TMEFF2: variants seen among roughly 807,000 people sequenced by gnomAD.
The protein encoded by TMEFF2 is tomoregulin-2.
In TMEFF2, 28 loss-of-function variants were observed where a neutral mutation model predicts 53.8. That is an observed-to-expected ratio of 0.52 (90% confidence interval 0.39 to 0.71). The LOEUF (loss-of-function observed/expected upper bound fraction) is 0.71, where lower values mean the gene tolerates loss of function less well. TMEFF2 is among the 30% of genes least tolerant of loss of function. TMEFF2 has a pLI of 0.00. For synonymous variants in TMEFF2, 162 were observed against 166.3 expected, an observed-to-expected ratio of 0.97 and a Z score of 0.20; for missense variants, 353 against 455.2, an observed-to-expected ratio of 0.78 and a Z score of 2.04.
chr2:192,071,811 C>A (rs754905452), intron 4 of TMEFF2, among the ~76,000 whole-genome samples: 2 of 151,802 alleles, frequency 1.3e-5, no homozygotes, highest in African/African-American at 2.4e-5. Flanking sequence ...CAACCATCCA[C>A]GTATTTTCAA....
At position 192,194,165 on chromosome 2, in the gene TMEFF2, G is replaced by A. The variant is rs2106055552; in HGVS notation, c.172+188C>T. On this transcript the variant is annotated intron_variant, in intron 1 of 9. Transcript: ENST00000272771. The surrounding 1 kb of genome is among the most constrained non-coding windows in gnomAD (Gnocchi z 4.2). ...ACACCTGCACTTTCTGCCCATCCCA[G>A]AACCACCCCTCACCCCCGGGCCTGC... 6.6e-6 allele frequency among the ~76,000 whole-genome samples: 1 copy of A among 152,186 alleles called. No individual in the cohort carries two copies. The highest frequency in any genetic ancestry group is 1.9e-4 in the East Asian group (1 of 5,166).
intron 4 of TMEFF2, among the ~76,000 whole-genome samples, chr2:192,073,452 GTATTT>G (rs1688337266): frequency 6.6e-6 from 1 of 151,394 alleles, no homozygotes; most frequent in Non-Finnish European, 1.5e-5. Context: ...CAAGTTACTT[GTATTT>G]AACTCCTATT....
intron 1 of TMEFF2, among the ~76,000 whole-genome samples, chr2:192,193,580 C>T (rs1486446221): frequency 1.3e-5 from 2 of 152,190 alleles, no homozygotes; most frequent in Non-Finnish European, 2.9e-5. Flanking sequence ...TACATGGAGC[C>T]TGACCAGCCT....
At position 191,963,634 on chromosome 2, in the gene TMEFF2, CAGAT is replaced by C. The variant is rs567167357; in HGVS notation, c.746-7260_746-7257del. Among the ~76,000 whole-genome samples, 303 of 152,336 alleles carry C rather than the reference CAGAT, an allele frequency of 2.0e-3. 1 individual carries two copies. The highest frequency in any genetic ancestry group is 1.9e-3 in the Non-Finnish European group (131 of 68,036). On this transcript the variant is annotated intron_variant, in intron 7 of 9. Coordinates refer to ENST00000272771, the MANE Select transcript of TMEFF2 (RefSeq NM_016192.4). ...AGTGAAAGCAAAGGTCTGAATAACA[CAGAT>C]AGAACACCAAAGCTGTCTTTCAGTA...
At chr2:192,025,184 T>TTTGTTTGAA (rs1446724998) in intron 5 of TMEFF2, among the ~76,000 whole-genome samples, 1 of 152,148 alleles carries the variant, frequency 6.6e-6, no homozygotes, top group Non-Finnish European at 1.5e-5. Flanking sequence ...CTATGGTTGT[T>TTTGTTTGAA]TTGTTTGAAT....
chr2:192,009,303 A>C (rs1686571829), intron 5 of TMEFF2, among the ~76,000 whole-genome samples: 1 of 152,164 alleles, frequency 6.6e-6, no homozygotes, highest in Non-Finnish European at 1.5e-5. Flanking sequence ...TGAAAACAAC[A>C]AATCCTCAAT....
intron 4 of TMEFF2, 88 bp downstream of exon 4, chr2:192,179,580 T>A: frequency 7.2e-7 from 1 of 1,397,682 alleles, no homozygotes; most frequent in Non-Finnish European, 9.6e-7. Flanking sequence ...AAATTTGTCT[T>A]AAATATCTGA....
intron 7 of TMEFF2, among the ~76,000 whole-genome samples, chr2:191,959,979 T>C (rs1324486402): frequency 2.6e-5 from 4 of 152,134 alleles, no homozygotes; most frequent in Non-Finnish European, 4.4e-5. Flanking sequence ...TGGGCTCAAG[T>C]GATTCTCGTG....
intron 5 of TMEFF2, among the ~76,000 whole-genome samples, chr2:192,054,205 T>C (rs1687846737): frequency 6.6e-6 from 1 of 151,604 alleles, no homozygotes; most frequent in Non-Finnish European, 1.5e-5. Flanking sequence ...AAGAGCTAAC[T>C]GATTTAGCAC....
intron 4 of TMEFF2, among the ~76,000 whole-genome samples, chr2:192,119,771 C>T (rs923600577): frequency 1.3e-5 from 2 of 152,182 alleles, no homozygotes; most frequent in Non-Finnish European, 2.9e-5. Context: ...CAAACAATGT[C>T]ATCTGTCCTC....
At position 192,088,575 on chromosome 2, in the gene TMEFF2, G is replaced by T. The variant is rs79137359; in HGVS notation, c.440-30800C>A. ...TAAGCTGCTACAAATGAAACGATAT[G>T]CAGAATATAGTGCAAAATTGAATCA... On this transcript the variant is annotated intron_variant, in intron 4 of 9. Coordinates refer to ENST00000272771, the MANE Select transcript of TMEFF2 (RefSeq NM_016192.4). Among the ~76,000 whole-genome samples, 954 of 152,204 alleles carry T rather than the reference G, an allele frequency of 6.3e-3. 13 individuals are homozygous for T. Among genetic ancestry groups the T allele is most frequent in the African/African-American group, 0.022 (908 of 41,530 alleles).
chr2:192,058,703 C>A (rs1687973052), intron 4 of TMEFF2, among the ~76,000 whole-genome samples: 1 of 152,070 alleles, frequency 6.6e-6, no homozygotes, highest in Admixed American at 6.6e-5. Context: ...TGAAAAATTA[C>A]AATCAACTAA....
chr2:192,021,130 G>A (rs1024884875), intron 5 of TMEFF2, among the ~76,000 whole-genome samples: 2 of 152,132 alleles, frequency 1.3e-5, no homozygotes, highest in Admixed American at 6.5e-5. Flanking sequence ...AAGCACAGGT[G>A]TTGTCTTTCT....
At chr2:191,988,794 G>GA (rs1292746038) in intron 7 of TMEFF2, among the ~76,000 whole-genome samples, 1 of 3,636 alleles carries the variant, frequency 2.8e-4, no homozygotes, top group Admixed American at 5.4e-3. Flanking sequence ...TAAGGCAGAG[G>GA]TTTTTTTTTT....
At chr2:192,104,894 C>A (rs1689109703) in intron 4 of TMEFF2, among the ~76,000 whole-genome samples, 1 of 151,908 alleles carries the variant, frequency 6.6e-6, no homozygotes. Flanking sequence ...GAAATCAGTT[C>A]TTTTCTTTTT....
At chr2:192,116,733 G>A (rs989780552) in intron 4 of TMEFF2, among the ~76,000 whole-genome samples, 2 of 152,062 alleles carry the variant, frequency 1.3e-5, no homozygotes, top group African/African-American at 2.4e-5. Context: ...GAATCTTTGT[G>A]AGATGTGAGA....
Position 191,972,101 on chromosome 2 carries a change from A to G in TMEFF2, c.746-15723T>C, listed in dbSNP as rs572097554. ...AAATGAAGTTGGAGAGGTCAGTAAG[A>G]TCCTTACTATACACCAAGCTAAGAA... is the stretch of plus-strand genomic sequence containing the variant. On this transcript the variant is annotated intron_variant, in intron 7 of 9. Coordinates refer to ENST00000272771, the MANE Select transcript of TMEFF2 (RefSeq NM_016192.4). Among the ~76,000 whole-genome samples, 7 of 151,536 alleles carry G rather than the reference A, an allele frequency of 4.6e-5. No individual in the cohort carries two copies. In the East Asian group the frequency reaches 1.4e-3, roughly 30 times the overall value.
intron 4 of TMEFF2, among the ~76,000 whole-genome samples, chr2:192,063,405 C>T (rs1336072396): frequency 6.6e-6 from 1 of 151,750 alleles, no homozygotes; most frequent in Non-Finnish European, 1.5e-5. Flanking sequence ...AATTTATCAT[C>T]ATTGTATTAT....
At chr2:191,951,213 T>A (rs1472808031) in intron 9 of TMEFF2, among the ~76,000 whole-genome samples, 1 of 151,904 alleles carries the variant, frequency 6.6e-6, no homozygotes, top group East Asian at 1.9e-4. Flanking sequence ...ATGTATAGTT[T>A]TAGAGGGAGG....
Sources: allele counts gnomAD v4.1 joint callset (sites outside exome capture counted in the v4.1 genomes callset), GRCh38; gene constraint gnomAD v4.1.1; non-coding constraint Gnocchi (gnomAD v3.1); transcripts MANE v1.5; gene names NCBI Gene and HGNC (gene_info 2026-07-23, HGNC 2026-07-21).